The following SRGAP2B variants were observed in gnomAD, a reference collection of about 807,000 sequenced individuals.
SRGAP2B encodes the protein SLIT-ROBO Rho GTPase-activating protein 2B.
SRGAP2B carries 9 observed loss-of-function variants against 22.2 expected under a neutral mutation model. The ratio of observed to expected loss-of-function variants is 0.41; its 90% CI spans 0.24 to 0.71. The LOEUF (loss-of-function observed/expected upper bound fraction) is 0.71. SRGAP2B is among the 30% of genes least tolerant of loss of function. The probability of loss-of-function intolerance (pLI) is 0.35; values close to 1 mark genes in which losing one functional copy is unlikely to be tolerated. For missense variants in SRGAP2B, 114 were observed against 235.8 expected (o/e 0.48, Z 3.38); for synonymous variants, 36 against 87.4 (o/e 0.41, Z 3.28).
At chr1:144,914,125 C>T (rs587603481) in intron 5 of SRGAP2B, among the ~76,000 whole-genome samples, 14 of 151,764 alleles carry the variant, frequency 9.2e-5, no homozygotes, top group African/African-American at 2.9e-4. Context: ...TCTCCAAGCC[C>T]GCAGCCTGCC....
chr1:144,965,019 A>G (rs1167828501), intron 3 of SRGAP2B: 78 of 1,354,368 alleles, frequency 5.8e-5, no homozygotes, highest in Non-Finnish European at 7.4e-5. Flanking sequence ...ACCCTCGGGG[A>G]GCAACATGGA....
chr1:145,040,753 AACTG>A (rs1344981427), intron 2 of SRGAP2B, among the ~76,000 whole-genome samples: 2 of 147,782 alleles, frequency 1.4e-5, no homozygotes, highest in African/African-American at 5.0e-5. Flanking sequence ...CTCCACCCTC[AACTG>A]ACTATTACTT....
At chr1:145,068,892 A>ATGT (rs1651802079) in intron 2 of SRGAP2B, among the ~76,000 whole-genome samples, 9 of 115,182 alleles carry the variant, frequency 7.8e-5, no homozygotes, top group African/African-American at 3.1e-4. Context: ...AATAAGGTAA[A>ATGT]ATGTGTGTGT....
Position 144,988,803 on chromosome 1 carries a change from C to CA in SRGAP2B, c.260+6204dup, listed in dbSNP as rs781920040. 3.4e-5 allele frequency among the ~76,000 whole-genome samples: 5 copies of CA among 148,154 alleles called. 1 individual carries two copies. The highest frequency in any genetic ancestry group is 1.3e-4 in the African/African-American group (5 of 38,640). On this transcript the variant is annotated intron_variant, in intron 3 of 9. Coordinates refer to ENST00000612199, the Ensembl canonical transcript of SRGAP2B. ...ACACCCAAAATGTTCAAAGTAGGAT[C>CA]ACCATTCAAAACAGATCTTCCCTCA...
rs587640771 is a variant in SRGAP2B, at chr1:144,931,287, CAT to C, written c.424-16535_424-16534del. Among the ~76,000 whole-genome samples the C allele has an allele frequency of 1.9e-4, 28 of 149,618 alleles. 1 individual carries two copies. The South Asian group carries it at 5.2e-3, about 28-fold the overall frequency. ...GCTTAGAGAGGTCAAAAAATTTGTCCATGAGAACAACTATTAATTGGTGAAGT... is the reference window on the plus strand; with the variant it reads ...GCTTAGAGAGGTCAAAAAATTTGTCCGAGAACAACTATTAATTGGTGAAGT... On this transcript the variant is annotated intron_variant, in intron 4 of 9. Transcript: ENST00000612199.
intron 2 of SRGAP2B, among the ~76,000 whole-genome samples, chr1:145,068,209 A>G (rs1255863001): frequency 6.9e-6 from 1 of 144,450 alleles, no homozygotes; most frequent in Non-Finnish European, 1.5e-5. Flanking sequence ...TCTCAAAAAA[A>G]AAAAAAAAAA....
chr1:144,955,095 A>T (rs1553610009), intron 4 of SRGAP2B, among the ~76,000 whole-genome samples: 1 of 150,370 alleles, frequency 6.7e-6, no homozygotes, highest in East Asian at 1.9e-4. Flanking sequence ...ATACCTTGCA[A>T]ATGGTTCCTT....
At chr1:145,051,138 A>ATAAGACACG (rs1650140501) in intron 2 of SRGAP2B, among the ~76,000 whole-genome samples, 1 of 112,882 alleles carries the variant, frequency 8.9e-6, no homozygotes, top group Non-Finnish European at 1.7e-5. Flanking sequence ...AGGAAGAAAA[A>ATAAGACACG]TAAGACACGT....
At position 144,956,408 on chromosome 1, in the gene SRGAP2B, C is replaced by T. The variant is rs1249102871; in HGVS notation, c.261-807G>A. Among the ~76,000 whole-genome samples the T allele has an allele frequency of 4.5e-5, 6 of 133,460 alleles. 1 individual carries two copies. Among genetic ancestry groups the T allele is most frequent in the African/African-American group, 1.8e-4 (6 of 33,614 alleles). The allele number at this position is 133,460 out of a possible 152,430, so 87.6% of individuals were successfully genotyped here. A position where few individuals can be genotyped will look rare whatever the true frequency, so the allele number is the denominator to read the frequency against. ...TAAAATGTCTACAGCTTGAGTGGAG[C>T]AGTAAAGTGCTAAACCAAGGTGCTC... On this transcript the variant is annotated intron_variant, in intron 3 of 9. Coordinates refer to ENST00000612199, the Ensembl canonical transcript of SRGAP2B.
rs1418370935 is a variant in SRGAP2B, at chr1:145,020,578, ATTGT to A, written c.68-25382_68-25379del. Reference sequence around the variant, plus strand: ...AGCAATTTATATATTCATCATGTTTATTGTTTGTCTCCCTCTTCCCCAACTGAAA... The same window carrying A: ...AGCAATTTATATATTCATCATGTTTATTGTCTCCCTCTTCCCCAACTGAAA... On this transcript the variant is annotated intron_variant, in intron 2 of 9. Transcript: ENST00000612199. 3.4e-5 allele frequency among the ~76,000 whole-genome samples: 5 copies of A among 146,382 alleles called. 1 individual carries two copies. Among genetic ancestry groups the A allele is most frequent in the African/African-American group, 5.3e-5 (2 of 37,798 alleles).
exon 10 of SRGAP2B, chr1:144,888,745 T>C (rs1174351016): frequency 3.3e-5 from 2 of 60,966 alleles, no homozygotes; most frequent in Admixed American, 3.6e-4. Context: ...TGAATACGTG[T>C]GACTTTGTAG....
chr1:144,974,994 C>G (rs1299871394), intron 3 of SRGAP2B, among the ~76,000 whole-genome samples: 3 of 147,956 alleles, frequency 2.0e-5, no homozygotes, highest in Non-Finnish European at 4.4e-5. Flanking sequence ...GGTCTCAATC[C>G]ATAAGATGGC....
chr1:144,990,810 G>T (rs769708123), intron 3 of SRGAP2B, among the ~76,000 whole-genome samples: 1 of 151,398 alleles, frequency 6.6e-6, no homozygotes, highest in Non-Finnish European at 1.5e-5. Context: ...GCTGCGGAGG[G>T]TGTACTGAGT....
At chr1:145,061,592 T>A (rs1345633599) in intron 2 of SRGAP2B, among the ~76,000 whole-genome samples, 1 of 150,124 alleles carries the variant, frequency 6.7e-6, no homozygotes, top group Non-Finnish European at 1.5e-5. Context: ...CATTCACTTT[T>A]TTTTCCCCCC....
intron 3 of SRGAP2B, among the ~76,000 whole-genome samples, chr1:144,963,731 C>A (rs1322191336): frequency 6.6e-6 from 1 of 152,030 alleles, no homozygotes; most frequent in Non-Finnish European, 1.5e-5. Context: ...CTGTCTGTGC[C>A]AAAGTGGAAT....
intron 2 of SRGAP2B, among the ~76,000 whole-genome samples, chr1:145,020,480 TA>T (rs1202366471): frequency 1.4e-5 from 2 of 144,938 alleles, no homozygotes; most frequent in Admixed American, 6.8e-5. Context: ...GAAAAAATTT[TA>T]AAAAGCAACT....
intron 4 of SRGAP2B, among the ~76,000 whole-genome samples, chr1:144,925,787 G>GAA (rs1163262008): frequency 1.9e-5 from 2 of 105,646 alleles, no homozygotes; most frequent in Admixed American, 1.9e-4. Context: ...AAGAAAGAAA[G>GAA]AAAGAAAGGA....
chr1:144,964,489 C>A (rs1306033829), intron 3 of SRGAP2B, among the ~76,000 whole-genome samples: 1 of 150,598 alleles, frequency 6.6e-6, no homozygotes, highest in Admixed American at 6.6e-5. Flanking sequence ...ATATTATTAA[C>A]CATGTTGATA....
chr1:145,024,916 G>A lies in SRGAP2B; in HGVS notation c.68-29716C>T, dbSNP rs7536278. The stretch of plus-strand genomic sequence containing the variant: ...TCTGCAAAGCTCCTGGTCCCACAAC[G>A]TCTACACTCCCAAGCCCAATATCCC... On this transcript the variant is annotated intron_variant, in intron 2 of 9. Coordinates refer to ENST00000612199, the Ensembl canonical transcript of SRGAP2B. Among the ~76,000 whole-genome samples the A allele has an allele frequency of 2.3e-4, 34 of 148,930 alleles. 1 individual carries two copies. The South Asian group carries it at 5.3e-3, about 23-fold the overall frequency.
Sources: allele counts gnomAD v4.1 joint callset (sites outside exome capture counted in the v4.1 genomes callset), GRCh38; gene constraint gnomAD v4.1.1; transcripts MANE v1.5; gene names NCBI Gene and HGNC (gene_info 2026-07-23, HGNC 2026-07-21).